Variants in HERC2 observed in about 807,000 individuals in gnomAD.
The protein encoded by HERC2 is HECT and RLD domain containing E3 ubiquitin protein ligase 2.
HERC2 carries 102 observed loss-of-function variants against 537.7 expected under a neutral mutation model. That is an observed-to-expected ratio of 0.19 (90% CI 0.16 to 0.22). HERC2 has a LOEUF of 0.22. Among genes scored for constraint, HERC2 ranks in the 10% least tolerant of loss-of-function variants. The pLI is 1.00. For missense variants in HERC2, 4,236 were observed against 6,198.2 expected, an observed-to-expected ratio of 0.68 and a Z score of 10.63; for synonymous variants, 2,224 against 2,466.2, an observed-to-expected ratio of 0.90 and a Z score of 2.91.
Position 28,233,035 on chromosome 15 carries a change from A to C in HERC2, c.4675+111T>G, listed in dbSNP as rs567080554. ...TAATAAAAATGATGGCAGCAGGTAG[A>C]AATGTCACATGGAATCAACAGTAGA... On this transcript the variant is annotated intron_variant, in intron 30 of 92. Transcript: ENST00000261609. The C allele has an allele frequency of 2.2e-4, 169 of 770,484 alleles. 2 individuals carry two copies. The African/African-American group carries it at 2.8e-3, about 13-fold the overall frequency. 47.7% of individuals were successfully genotyped at this position (770,484 alleles called of 1,614,324 possible).
At chr15:28,167,137 C>T (rs1894226021) in intron 68 of HERC2, among the ~76,000 whole-genome samples, 1 of 152,194 alleles carries the variant, frequency 6.6e-6, no homozygotes, top group African/African-American at 2.4e-5. Context: ...AAGACATTGA[C>T]ATAATCTCAA....
At position 28,292,957 on chromosome 15, in the gene HERC2, C is replaced by T. The variant is rs2076359081; in HGVS notation, c.253G>A (p.Glu85Lys). ...DLNDKEKKDE[E>K]ETPAPIYRAK... is the part of the protein sequence containing the mutation. Reference sequence around the variant, plus strand: ...CTATATATAGGTGCAGGAGTTTCTTCTTCATCTTTTTTCTCTTTGTCATTC... The same window carrying T: ...CTATATATAGGTGCAGGAGTTTCTTTTTCATCTTTTTTCTCTTTGTCATTC... The change falls in exon 4 of 93, where the codon GAA becomes AAA. Residue 85 changes from glutamate to lysine, a missense_variant. Around this residue, in one of 27 missense-constraint regions of HERC2, gnomAD observed 491 missense variants for 559.3 expected, o/e 0.88. Transcript: ENST00000261609. 1 of 1,611,328 alleles carries T rather than the reference C, an allele frequency of 6.2e-7. No homozygotes were observed. Among genetic ancestry groups the T allele is most frequent in the South Asian group, 1.1e-5 (1 of 90,886 alleles).
Position 28,122,399 on chromosome 15 carries a change from G to A in HERC2, c.13189-970C>T, listed in dbSNP as rs1253422582. 1.3e-5 allele frequency among the ~76,000 whole-genome samples: 2 copies of A among 152,226 alleles called. No individual in the cohort carries two copies. The highest frequency in any genetic ancestry group is 2.9e-5 in the Non-Finnish European group (2 of 68,038). ...GCTGTGGGAGCACAAGGGTCCCTCA[G>A]TGGAGGCTGAGCCCTTGCCCAGCTC... On this transcript the variant is annotated intron_variant, in intron 85 of 92. Coordinates refer to ENST00000261609, the MANE Select transcript of HERC2 (RefSeq NM_004667.6). The surrounding 1 kb of genome is among the most constrained non-coding windows in gnomAD (Gnocchi z 4.1).
At chr15:28,215,289 A>T (rs989361355) in intron 39 of HERC2, among the ~76,000 whole-genome samples, 1 of 152,208 alleles carries the variant, frequency 6.6e-6, no homozygotes, top group African/African-American at 2.4e-5. Flanking sequence ...ATTGTCAGGA[A>T]CTTTAAAAAA....
chr15:28,201,008 T>C (rs916679388), intron 48 of HERC2, among the ~76,000 whole-genome samples: 6 of 146,706 alleles, frequency 4.1e-5, no homozygotes, highest in African/African-American at 7.6e-5. Context: ...GTGTCACAAG[T>C]GGGGCTAGTA....
intron 50 of HERC2, among the ~76,000 whole-genome samples, chr15:28,197,383 C>G (rs1438748501): frequency 6.6e-6 from 1 of 152,182 alleles, no homozygotes; most frequent in Admixed American, 6.5e-5. Flanking sequence ...TAAATATAAT[C>G]TGAGAATTGT....
chr15:28,272,467 G>T, intron 8 of HERC2, 81 bp from the exon 9 acceptor site: 1 of 1,292,508 alleles, frequency 7.7e-7, no homozygotes, highest in South Asian at 1.3e-5. Flanking sequence ...AAAGCAAATA[G>T]CTGGATAGAA....
At chr15:28,154,244 T>C (rs1459757049) in intron 69 of HERC2, among the ~76,000 whole-genome samples, 1 of 152,230 alleles carries the variant, frequency 6.6e-6, no homozygotes, top group African/African-American at 2.4e-5. Context: ...CTTTTTTCTA[T>C]TATTCCTCAT....
Position 28,322,145 on chromosome 15 carries a change from G to GCCGGCGCCCGCGATC in HERC2, c.-117_-103dup, listed in dbSNP as rs1259307663. Reference sequence around the variant, plus strand: ...CAGCCTCCCAAGAGCCGCTGGCTCAGCCGGCGCCCGCGATCCCGGCGCCTC... The same window carrying GCCGGCGCCCGCGATC: ...CAGCCTCCCAAGAGCCGCTGGCTCAGCCGGCGCCCGCGATCCCGGCGCCCGCGATCCCGGCGCCTC... On this transcript the variant is annotated 5_prime_UTR_variant, in exon 1 of 93. Coordinates refer to ENST00000261609, the MANE Select transcript of HERC2 (RefSeq NM_004667.6). The GCCGGCGCCCGCGATC allele has an allele frequency of 1.1e-4, 7 of 63,286 alleles. No individual in the cohort carries two copies. Among genetic ancestry groups the GCCGGCGCCCGCGATC allele is most frequent in the Admixed American group, 1.4e-4 (1 of 6,932 alleles). The allele number at this position is 63,286 out of a possible 1,614,324, so 3.9% of individuals were successfully genotyped here.
Position 28,114,639 on chromosome 15 carries a change from T to G in HERC2, c.13886A>C (p.Glu4629Ala). The change falls in exon 90 of 93, where the codon GAG becomes GCG. Residue 4629 changes from glutamate to alanine, a missense_variant. Around this residue, in one of 27 missense-constraint regions of HERC2, gnomAD observed 313 missense variants for 462.6 expected, o/e 0.68. Coordinates refer to ENST00000261609, the MANE Select transcript of HERC2 (RefSeq NM_004667.6). ...HTHITLDNRA[E>A]YVRLAINYRL... ...ATAGTTTATCGCCAGCCGCACGTAC[T>G]CCGCGCGGTTGTCCAGGGTGATGTG... 3 of 1,613,868 alleles carry G rather than the reference T, an allele frequency of 1.9e-6. No individual in the cohort carries two copies. Among genetic ancestry groups the G allele is most frequent in the Non-Finnish European group, 2.5e-6 (3 of 1,179,976 alleles).
chr15:28,150,012 T>C (rs1353626148), intron 70 of HERC2, among the ~76,000 whole-genome samples: 2 of 151,732 alleles, frequency 1.3e-5, no homozygotes, highest in Non-Finnish European at 2.9e-5. Flanking sequence ...ACACACATTC[T>C]AGTAAAATTA....
rs749921140 is a variant in HERC2 at position 28,275,013 on chromosome 15, C to A, written c.543-8G>T. The A allele has an allele frequency of 1.3e-6, 2 of 1,584,180 alleles. No individual in the cohort carries two copies. The highest frequency in any genetic ancestry group is 2.7e-5 in the African/African-American group (2 of 74,510). ...TTGCCCGCAGGCCGGGAACTGCAGA[C>A]GACACACACGGAACATACAACCAGT... On this transcript the variant is annotated splice_polypyrimidine_tract_variant and splice_region_variant and intron_variant, in intron 5 of 92. Transcript: ENST00000261609.
chr15:28,156,392 G>C (rs982025251), intron 69 of HERC2, among the ~76,000 whole-genome samples: 1 of 152,204 alleles, frequency 6.6e-6, no homozygotes, highest in Non-Finnish European at 1.5e-5. Context: ...CATGAGCATG[G>C]AATGTTATTC....
intron 59 of HERC2, among the ~76,000 whole-genome samples, chr15:28,178,398 G>T (rs897676622): frequency 6.6e-6 from 1 of 152,152 alleles, no homozygotes; most frequent in African/African-American, 2.4e-5. Flanking sequence ...CCCCACCTCT[G>T]GACTTTTACA....
intron 57 of HERC2, among the ~76,000 whole-genome samples, chr15:28,180,368 A>G (rs1895710442): frequency 6.6e-6 from 1 of 152,156 alleles, no homozygotes; most frequent in African/African-American, 2.4e-5. Flanking sequence ...ACCCAACCAA[A>G]ACTTTCTCAG....
At chr15:28,179,345 C>T in intron 57 of HERC2, 122 bp from the exon 58 acceptor site, 1 of 751,742 alleles carries the variant, frequency 1.3e-6, no homozygotes, top group East Asian at 2.7e-5. Flanking sequence ...ACATTTCACT[C>T]AACCACAGGC....
intron 86 of HERC2, chr15:28,117,828 C>T: frequency 2.9e-6 from 1 of 339,520 alleles, no homozygotes; most frequent in Admixed American, 4.0e-5. Context: ...GACACCAGGG[C>T]AGGAGCCCTA....
chr15:28,278,029 G>A (rs1215692327), intron 5 of HERC2, among the ~76,000 whole-genome samples: 1 of 151,914 alleles, frequency 6.6e-6, no homozygotes. Flanking sequence ...GTCAAGGCGA[G>A]AGGGTTGCTT....
chr15:28,295,586 T>TG (rs772903920), intron 3 of HERC2, among the ~76,000 whole-genome samples: 5 of 151,978 alleles, frequency 3.3e-5, no homozygotes, highest in Non-Finnish European at 5.9e-5. Context: ...TTAGTAGAGA[T>TG]GGGGTTTCAC....
Sources: allele counts gnomAD v4.1 joint callset (sites outside exome capture counted in the v4.1 genomes callset), GRCh38; gene constraint gnomAD v4.1.1; regional missense constraint gnomAD v4.1.1; non-coding constraint Gnocchi (gnomAD v3.1); transcripts MANE v1.5; gene names NCBI Gene and HGNC (gene_info 2026-07-23, HGNC 2026-07-21).